NFRKB: variants seen among roughly 807,000 people sequenced by gnomAD.
The protein encoded by NFRKB is nuclear factor related to kappaB binding protein.
Under a neutral mutation model 135.7 loss-of-function variants are expected in NFRKB, and 62 were observed. The observed-to-expected ratio is 0.46, with a 90% CI of 0.37 to 0.56. The LOEUF is 0.56. Ranked by LOEUF, NFRKB falls within the 20% of genes least tolerant of loss-of-function variation. The probability of loss-of-function intolerance (pLI) is 0.00; values close to 1 mark genes in which losing one functional copy is unlikely to be tolerated. For missense variants in NFRKB, 1,545 were observed against 1,662.0 expected, an observed-to-expected ratio of 0.93 and a Z score of 1.22; for synonymous variants, 678 against 635.6, an observed-to-expected ratio of 1.07 and a Z score of -1.00.
Position 129,892,779 on chromosome 11 carries a change from C to A in NFRKB, c.71G>T (p.Arg24Leu). The change falls in exon 3 of 27, where the codon CGC becomes CTC. Residue 24 changes from arginine to leucine, a missense_variant. Physicochemically the swap from Arg to Leu is moderately radical, Grantham distance 102. This residue lies in a region of NFRKB where 678 missense variants were observed against 646.7 expected (regional missense o/e 1.05). Transcript: ENST00000682444. ...LGPCGDGHGT[R>L]IMEDCLLGGT... is the part of the protein sequence containing the mutation. Reference sequence around the variant, plus strand: ...TCCCAGGAGGCAATCCTCCATGATGCGCGTGCCATGGCCATCTCCACACGG... The same window carrying A: ...TCCCAGGAGGCAATCCTCCATGATGAGCGTGCCATGGCCATCTCCACACGG... 1 of 1,614,170 alleles carries A rather than the reference C, an allele frequency of 6.2e-7. No individual in the cohort carries two copies. The highest frequency in any genetic ancestry group is 8.5e-7 in the Non-Finnish European group (1 of 1,180,018).
Position 129,873,730 on chromosome 11 carries a change from G to A in NFRKB, c.2550+15C>T, listed in dbSNP as rs773485049. 1.8e-5 allele frequency: 29 copies of A among 1,607,202 alleles called. No homozygotes were observed. Among genetic ancestry groups the A allele is most frequent in the Admixed American group, 5.0e-5 (3 of 59,896 alleles). On this transcript the variant is annotated intron_variant, in intron 22 of 26. Transcript: ENST00000682444. The stretch of plus-strand genomic sequence containing the variant: ...TGCATCTCTGCTTCCCAATGACCAC[G>A]GCTTCCCTGTTTACCTGGGGCACTA...
chr11:129,869,850 G>A lies in NFRKB; in HGVS notation c.3175C>T (p.Arg1059Cys), dbSNP rs748097962. 24 of 1,614,132 alleles carry A rather than the reference G, an allele frequency of 1.5e-5. No homozygotes were observed. Among genetic ancestry groups the A allele is most frequent in the East Asian group, 4.5e-5 (2 of 44,898 alleles). The change falls in exon 24 of 27, where the codon CGC becomes TGC. Residue 1059 changes from arginine to cysteine, a missense_variant. By Grantham distance (180) the Arg-to-Cys change is radical (BLOSUM62 -3). Around this residue, in one of 3 missense-constraint regions of NFRKB, gnomAD observed 753 missense variants for 804.3 expected, o/e 0.94. Coordinates refer to ENST00000682444, the MANE Select transcript of NFRKB (RefSeq NM_001143835.2). ...CTCACGCCAAGAGCTGGCATCAAGCGAAAAGCCGAACTTGAGGCTTCTGTT... is the reference window on the plus strand; with the variant it reads ...CTCACGCCAAGAGCTGGCATCAAGCAAAAAGCCGAACTTGAGGCTTCTGTT... The part of the protein sequence containing the change: ...KPTEASSSAF[R>C]LMPALGVSVA...
intron 4 of NFRKB, 129 bp from the exon 5 acceptor site, chr11:129,886,573 T>A: frequency 1.2e-6 from 1 of 855,318 alleles, no homozygotes; most frequent in Non-Finnish European, 1.8e-6. Context: ...AGTGAACATT[T>A]AAGAGAATCA....
At chr11:129,883,468 T>C (rs1949125338) in intron 8 of NFRKB, among the ~76,000 whole-genome samples, 1 of 152,226 alleles carries the variant, frequency 6.6e-6, no homozygotes, top group Non-Finnish European at 1.5e-5. Context: ...CCTTGTCTCA[T>C]GTGCTTTGCA....
At chr11:129,871,067 C>T (rs1948476479) in intron 23 of NFRKB, among the ~76,000 whole-genome samples, 1 of 152,172 alleles carries the variant, frequency 6.6e-6, no homozygotes. Context: ...TCCACAGATG[C>T]TCAAGTCCCT....
chr11:129,885,295 G>T, intron 6 of NFRKB, 140 bp downstream of exon 6: 1 of 925,556 alleles, frequency 1.1e-6, no homozygotes, highest in Non-Finnish European at 1.6e-6. Flanking sequence ...GGCCTTCTGA[G>T]TCCCGCTATG....
intron 25 of NFRKB, among the ~76,000 whole-genome samples, chr11:129,865,437 CTGAGACTGCAGACTCATT>C (rs1948144779): frequency 6.6e-6 from 1 of 152,184 alleles, no homozygotes; most frequent in African/African-American, 2.4e-5. Flanking sequence ...ACAAGCTGCC[CTGAGACTGCAGACTCATT>C]TCATCGTGCC....
Position 129,876,252 on chromosome 11 carries a change from A to G in NFRKB, c.1747+469T>C, listed in dbSNP as rs80158066. On this transcript the variant is annotated intron_variant, in intron 17 of 26. Coordinates refer to ENST00000682444, the MANE Select transcript of NFRKB (RefSeq NM_001143835.2). ...CTTGTCATATAACATCATAGTAACAACACATATTTCTGCACCATAAACTTG... is the reference window on the plus strand; with the variant it reads ...CTTGTCATATAACATCATAGTAACAGCACATATTTCTGCACCATAAACTTG... 5.3e-5 allele frequency among the ~76,000 whole-genome samples: 8 copies of G among 152,240 alleles called. No homozygotes were observed. In the East Asian group the frequency reaches 1.5e-3, roughly 29 times the overall value.
chr11:129,886,366 T>C lies in NFRKB; in HGVS notation c.416A>G (p.Gln139Arg), dbSNP rs141499613. ...CAGCAGCCGATGGAAATACTGCTGCTGGGAGTTGAGGTAGCGCTTGTACTG... is the reference window on the plus strand; with the variant it reads ...CAGCAGCCGATGGAAATACTGCTGCCGGGAGTTGAGGTAGCGCTTGTACTG... ...KSQYKRYLNS[Q>R]QQYFHRLLKQ... is the part of the protein sequence containing the mutation. The change falls in exon 5 of 27, where the codon CAG becomes CGG. Residue 139 changes from glutamine (Q) to arginine (R), a missense_variant. This residue lies in a region of NFRKB where 678 missense variants were observed against 646.7 expected (regional missense o/e 1.05). Coordinates refer to ENST00000682444, the MANE Select transcript of NFRKB (RefSeq NM_001143835.2). 9.0e-4 allele frequency: 1,457 copies of C among 1,614,168 alleles called. 2 individuals carry two copies. The highest frequency in any genetic ancestry group is 1.3e-3 in the Middle Eastern group (8 of 6,060).
intron 9 of NFRKB, among the ~76,000 whole-genome samples, 160 bp from the exon 10 acceptor site, chr11:129,882,791 TA>T (rs1047548374): frequency 6.6e-6 from 1 of 152,156 alleles, no homozygotes; most frequent in African/African-American, 2.4e-5. Flanking sequence ...TTTATAGCTT[TA>T]TTTTTTTTTG....
At chr11:129,884,193 A>T (rs1218372907) in intron 7 of NFRKB, 50 bp from the exon 8 acceptor site, 1 of 1,514,944 alleles carries the variant, frequency 6.6e-7, no homozygotes, top group Admixed American at 1.9e-5. Flanking sequence ...TCCAATTTAC[A>T]TCTTTCTGGT....
intron 13 of NFRKB, among the ~76,000 whole-genome samples, chr11:129,880,752 C>T (rs1332251053): frequency 6.6e-6 from 1 of 152,206 alleles, no homozygotes; most frequent in Non-Finnish European, 1.5e-5. Context: ...TCTCAGAAGC[C>T]ATTGTGTCCC....
chr11:129,881,311 C>T, intron 13 of NFRKB, 132 bp downstream of exon 13: 2 of 873,580 alleles, frequency 2.3e-6, no homozygotes, highest in Non-Finnish European at 3.6e-6. Context: ...GACTCCTTCA[C>T]AGAGCAAAAT....
In NFRKB at chr11:129,869,700, T is replaced by C; in HGVS notation, c.3325A>G (p.Thr1109Ala). Residue 1109 changes from threonine (T) to alanine (A), a missense_variant, in exon 24 of 27, where the codon ACC becomes GCC. Transcript: ENST00000682444. ...ACCGAGGCCCCTTGCTTGGCGTGGG[T>C]TGCAACGGTGATGGTCTGGCCTGCT... ...PKAGQTITVA[T>A]HAKQGASVAS... 6.2e-7 allele frequency: 1 copy of C among 1,614,178 alleles called. No individual in the cohort carries two copies. Among genetic ancestry groups the C allele is most frequent in the Non-Finnish European group, 8.5e-7 (1 of 1,180,024 alleles).
chr11:129,886,288 T>C, intron 5 of NFRKB, 29 bp downstream of exon 5: 1 of 1,596,226 alleles, frequency 6.3e-7, no homozygotes, highest in Non-Finnish European at 8.6e-7. Context: ...ACTGCCCACA[T>C]TTTATATCCA....
In NFRKB at chr11:129,864,569, C is replaced by G. The variant is rs191513145; in HGVS notation, c.*156G>C. The G allele has an allele frequency of 1.9e-4, 187 of 1,001,534 alleles. No individual in the cohort carries two copies. The African/African-American group carries it at 2.8e-3, about 15-fold the overall frequency. The allele number at this position is 1,001,534 out of a possible 1,614,324, so 62.0% of individuals were successfully genotyped here. ...GGTGCTCCACTATGGCACGTGGCAG[C>G]AGAATCCAGGCCACGAATCCAGGCC... On this transcript the variant is annotated 3_prime_UTR_variant, in exon 27 of 27. Transcript: ENST00000682444.
At chr11:129,868,590 T>C (rs991364929) in intron 24 of NFRKB, among the ~76,000 whole-genome samples, 48 of 152,238 alleles carry the variant, frequency 3.2e-4, no homozygotes, top group African/African-American at 1.0e-3. Context: ...CGTTCACACA[T>C]AAGCCCAGAC....
At chr11:129,880,838 C>T (rs1214263302) in intron 13 of NFRKB, among the ~76,000 whole-genome samples, 1 of 152,182 alleles carries the variant, frequency 6.6e-6, no homozygotes, top group Non-Finnish European at 1.5e-5. Context: ...CTACCGTTTT[C>T]ATAACCTGCT....
rs1363839369 is a variant in NFRKB at position 129,872,781 on chromosome 11, ATCT to A, written c.2763+100_2763+102del. ...ATAAGCTGAGAGTCGAAGATGACAA[ATCT>A]TCTTCCCATGGGCATGCAGTCTGGC... On this transcript the variant is annotated intron_variant, in intron 23 of 26. Transcript: ENST00000682444. 51 of 1,207,144 alleles carry A rather than the reference ATCT, an allele frequency of 4.2e-5. 2 individuals carry two copies. In the South Asian group the frequency reaches 7.0e-4, roughly 17 times the overall value. 74.8% of individuals were successfully genotyped at this position (1,207,144 alleles called of 1,614,324 possible). A position where few individuals can be genotyped will look rare whatever the true frequency, so the allele number is the denominator to read the frequency against.
Sources: gnomAD v4.1 joint callset for allele counts (sites outside exome capture counted in the v4.1 genomes callset) on GRCh38, gnomAD v4.1.1 for gene constraint, gnomAD v4.1.1 regional missense constraint, MANE v1.5 for transcripts, NCBI Gene and HGNC (gene_info 2026-07-23, HGNC 2026-07-21) for gene names.